Variants in P2RY14 observed in about 807,000 individuals in gnomAD.
P2RY14 encodes P2Y purinoceptor 14.
In P2RY14, 2 loss-of-function variants were observed where a neutral mutation model predicts 0.9. That is an observed-to-expected ratio of 2.16 (90% confidence interval 0.88 to 6.79). The LOEUF is 6.79. Among genes scored for constraint, P2RY14 ranks in the 30% most tolerant of loss-of-function variants. The pLI is 0.05. For missense variants in P2RY14, 378 were observed against 400.1 expected (o/e 0.94, Z 0.47); for synonymous variants, 158 against 147.2 (o/e 1.07, Z -0.53).
chr3:151,257,934 C>T (rs1375109230), intron 1 of P2RY14, among the ~76,000 whole-genome samples: 1 of 152,184 alleles, frequency 6.6e-6, no homozygotes, highest in African/African-American at 2.4e-5. Context: ...CCCCACCTTC[C>T]CTCTCTAGCT....
intron 1 of P2RY14, among the ~76,000 whole-genome samples, chr3:151,276,623 C>A (rs1429157130): frequency 6.6e-6 from 1 of 152,164 alleles, no homozygotes; most frequent in Non-Finnish European, 1.5e-5. Flanking sequence ...GAGCCTTAGG[C>A]TTAGGGAAGC....
rs879358799 is a variant in P2RY14, at chr3:151,246,351, C to A, written c.-132-26709G>T. Among the ~76,000 whole-genome samples, 280 of 152,004 alleles carry A rather than the reference C, an allele frequency of 1.8e-3. 2 individuals carry two copies. Among genetic ancestry groups the A allele is most frequent in the Non-Finnish European group, 2.9e-3 (199 of 67,952 alleles). ...CAAAAGAACAAAGCTGGAGGCATCACGCTACCTGACTTCAAACTATACTAC... is the reference window on the plus strand; with the variant it reads ...CAAAAGAACAAAGCTGGAGGCATCAAGCTACCTGACTTCAAACTATACTAC... On this transcript the variant is annotated intron_variant, in intron 1 of 2. Coordinates refer to ENST00000309170, the MANE Select transcript of P2RY14 (RefSeq NM_014879.4).
intron 1 of P2RY14, among the ~76,000 whole-genome samples, chr3:151,243,259 C>T (rs986721037): frequency 1.3e-5 from 2 of 151,738 alleles, no homozygotes; most frequent in African/African-American, 4.9e-5. Flanking sequence ...TCAGGAAGTA[C>T]AGAGAACGCC....
intron 1 of P2RY14, chr3:151,269,696 A>AT: frequency 2.4e-6 from 1 of 416,660 alleles, no homozygotes; most frequent in Admixed American, 2.9e-5. Flanking sequence ...AAAGATTTTT[A>AT]TTTTGATGAA....
intron 1 of P2RY14, among the ~76,000 whole-genome samples, chr3:151,267,246 A>G (rs150231813): frequency 5.9e-5 from 9 of 152,144 alleles, no homozygotes; most frequent in African/African-American, 2.2e-4. Context: ...TTTGGCTGTG[A>G]AAAGGATTGT....
rs1413491228 is a variant in P2RY14 at position 151,237,349 on chromosome 3, T to G, written c.-132-17707A>C. On this transcript the variant is annotated intron_variant, in intron 1 of 2. Coordinates refer to ENST00000309170, the MANE Select transcript of P2RY14 (RefSeq NM_014879.4). ...CACCACGCCTGGCTTTTTTTTTTTT[T>G]CTTTTTTTTTTTTTTTTGAGACAGA... Among the ~76,000 whole-genome samples the G allele has an allele frequency of 2.0e-4, 16 of 78,764 alleles. No homozygotes were observed. The Admixed American group carries it at 2.1e-3, about 10-fold the overall frequency. The allele number at this position is 78,764 out of a possible 152,430, so 51.7% of individuals were successfully genotyped here.
chr3:151,259,438 T>C (rs573176647), intron 1 of P2RY14, among the ~76,000 whole-genome samples: 2 of 152,302 alleles, frequency 1.3e-5, no homozygotes, highest in East Asian at 3.9e-4. Context: ...AACTTATTAG[T>C]CAACCTGGAC....
At chr3:151,218,405 CTGTT>C (rs769683687) in intron 2 of P2RY14, among the ~76,000 whole-genome samples, 48 of 152,258 alleles carry the variant, frequency 3.2e-4, no homozygotes, top group Middle Eastern at 3.4e-3. Context: ...GTGTAGGTGT[CTGTT>C]TGTGGAGCCC....
chr3:151,259,554 A>T (rs1738476919), intron 1 of P2RY14, among the ~76,000 whole-genome samples: 1 of 152,220 alleles, frequency 6.6e-6, no homozygotes, highest in Admixed American at 6.5e-5. Flanking sequence ...ATAAGTAGAC[A>T]CTGGATAATC....
chr3:151,241,626 A>G (rs1227180984), intron 1 of P2RY14, among the ~76,000 whole-genome samples: 1 of 152,186 alleles, frequency 6.6e-6, no homozygotes, highest in Admixed American at 6.5e-5. Flanking sequence ...GTGTGTGTGT[A>G]TATACACACA....
Position 151,238,177 on chromosome 3 carries a change from C to T in P2RY14, c.-132-18535G>A, listed in dbSNP as rs371070163. On this transcript the variant is annotated intron_variant, in intron 1 of 2. Coordinates refer to ENST00000309170, the MANE Select transcript of P2RY14 (RefSeq NM_014879.4). The stretch of plus-strand genomic sequence containing the variant: ...TTTCTTTTTTCTTGAGATGGAGTCT[C>T]GCTCTGTCACCCAGGCTGGAGTGCA... Among the ~76,000 whole-genome samples the T allele has an allele frequency of 3.8e-3, 577 of 149,958 alleles. 5 individuals are homozygous for T. Among genetic ancestry groups the T allele is most frequent in the African/African-American group, 0.013 (546 of 40,526 alleles).
chr3:151,222,903 A>G (rs1044261383), intron 1 of P2RY14, among the ~76,000 whole-genome samples: 2 of 152,246 alleles, frequency 1.3e-5, no homozygotes, highest in Non-Finnish European at 2.9e-5. Context: ...TCTTTGCCCA[A>G]GTTTATTCAT....
chr3:151,261,334 T>C (rs975817294), intron 1 of P2RY14: 2 of 152,138 alleles, frequency 1.3e-5, no homozygotes, highest in Admixed American at 1.3e-4. Flanking sequence ...TAATAGGATA[T>C]AAGGAATATG....
rs1398898282 is a variant in P2RY14, at chr3:151,243,187, ACT to A, written c.-132-23547_-132-23546del. ...GGAGAATGGAACCAAGTTGGAAAAC[ACT>A]CTGCAGGATATTATCCAGGAGAACT... On this transcript the variant is annotated intron_variant, in intron 1 of 2. Coordinates refer to ENST00000309170, the MANE Select transcript of P2RY14 (RefSeq NM_014879.4). Among the ~76,000 whole-genome samples, 17 of 152,132 alleles carry A rather than the reference ACT, an allele frequency of 1.1e-4. No individual in the cohort carries two copies. In the South Asian group the frequency reaches 3.5e-3, roughly 32 times the overall value.
At chr3:151,245,964 T>G (rs1735358569) in intron 1 of P2RY14, among the ~76,000 whole-genome samples, 1 of 151,090 alleles carries the variant, frequency 6.6e-6, no homozygotes. Flanking sequence ...CAAGCATTCT[T>G]ATACACCAGC....
intron 1 of P2RY14, among the ~76,000 whole-genome samples, chr3:151,240,038 CT>C (rs11366541): frequency 0.86 from 126,306 of 146,934 alleles, 54,308 homozygotes; most frequent in African/African-American, 0.94. Flanking sequence ...TTTCTCCCAC[CT>C]TTTTTTTTTT....
chr3:151,247,093 AATT>A (rs1559933366), intron 1 of P2RY14, among the ~76,000 whole-genome samples: 1 of 152,160 alleles, frequency 6.6e-6, no homozygotes, highest in Admixed American at 6.5e-5. Flanking sequence ...GATTGGCAAT[AATT>A]AAAAAGTCAG....
intron 1 of P2RY14, among the ~76,000 whole-genome samples, chr3:151,264,274 A>C (rs1364840143): frequency 6.6e-6 from 1 of 152,214 alleles, no homozygotes; most frequent in Non-Finnish European, 1.5e-5. Flanking sequence ...TTTTGTAAGC[A>C]CTTGTTTGCT....
chr3:151,216,579 G>A (rs1728273373), intron 2 of P2RY14, among the ~76,000 whole-genome samples: 1 of 152,104 alleles, frequency 6.6e-6, no homozygotes, highest in Non-Finnish European at 1.5e-5. Context: ...TGATAGACTT[G>A]ATTTTGCCAG....
Sources: allele counts gnomAD v4.1 joint callset (sites outside exome capture counted in the v4.1 genomes callset), GRCh38; gene constraint gnomAD v4.1.1; transcripts MANE v1.5; gene names NCBI Gene and HGNC (gene_info 2026-07-23, HGNC 2026-07-21).